The following EFCAB6 variants were observed in gnomAD, a reference collection of about 807,000 sequenced individuals.
EFCAB6 encodes the protein EF-hand calcium-binding domain-containing protein 6.
A neutral mutation model predicts 169.8 loss-of-function variants in EFCAB6; 156 were observed. The ratio of observed to expected loss-of-function variants is 0.92; its 90% CI spans 0.81 to 1.05. The LOEUF (loss-of-function observed/expected upper bound fraction) is 1.05. EFCAB6 is among the 50% of genes least tolerant of loss of function. EFCAB6 has a pLI of 0.00. For missense variants in EFCAB6, 1,800 were observed against 1,829.1 expected (o/e 0.98, Z 0.29); for synonymous variants, 698 against 676.4 (o/e 1.03, Z -0.50).
At chr22:43,798,026 T>G (rs1288695310) in intron 2 of EFCAB6, among the ~76,000 whole-genome samples, 1 of 152,174 alleles carries the variant, frequency 6.6e-6, no homozygotes, top group Non-Finnish European at 1.5e-5. Context: ...GACAGCCTGT[T>G]AGAAACAGAT....
intron 17 of EFCAB6, among the ~76,000 whole-genome samples, chr22:43,665,284 C>A (rs1282541590): frequency 6.6e-6 from 1 of 152,114 alleles, no homozygotes; most frequent in Admixed American, 6.5e-5. Flanking sequence ...CCAGAAGAAC[C>A]TGCAACTGAG....
chr22:43,746,346 G>A (rs184553450), intron 6 of EFCAB6, among the ~76,000 whole-genome samples: 46 of 152,162 alleles, frequency 3.0e-4, no homozygotes, highest in Non-Finnish European at 5.7e-4. Flanking sequence ...AGCTGACCCC[G>A]AAAAAATGAG....
intron 22 of EFCAB6, among the ~76,000 whole-genome samples, chr22:43,607,972 G>A (rs1473199510): frequency 2.0e-5 from 3 of 152,116 alleles, no homozygotes; most frequent in African/African-American, 4.8e-5. Flanking sequence ...TAAAATTTTC[G>A]GTTTAAGAGA....
intron 10 of EFCAB6, 84 bp downstream of exon 10, chr22:43,711,391 T>C: frequency 7.4e-7 from 1 of 1,352,724 alleles, no homozygotes; most frequent in Non-Finnish European, 9.8e-7. Flanking sequence ...TCTAAAACAT[T>C]AATAAAAAAT....
chr22:43,587,582 C>T (rs2051160823), intron 24 of EFCAB6, among the ~76,000 whole-genome samples: 1 of 152,164 alleles, frequency 6.6e-6, no homozygotes, highest in Admixed American at 6.5e-5. Flanking sequence ...ACATGGCCTT[C>T]TCTTTGTCTG....
At chr22:43,536,149 T>C (rs2047372201) in intron 29 of EFCAB6, 1 of 151,794 alleles carries the variant, frequency 6.6e-6, no homozygotes, top group Non-Finnish European at 1.5e-5. Flanking sequence ...ATAAGGACAG[T>C]AACACAGTGA....
At position 43,795,509 on chromosome 22, in the gene EFCAB6, C is replaced by A. The variant is rs2062472325; in HGVS notation, c.-7-13184G>T. Among the ~76,000 whole-genome samples, 1 of 152,106 alleles carries A rather than the reference C, an allele frequency of 6.6e-6. No homozygotes were observed. Among genetic ancestry groups the A allele is most frequent in the Non-Finnish European group, 1.5e-5 (1 of 67,994 alleles). ...CATGGGTCCCTCGGCCCTGCTCCACCCCAGCCGATTCCTCTGCCTTGAGAC... is the reference window on the plus strand; with the variant it reads ...CATGGGTCCCTCGGCCCTGCTCCACACCAGCCGATTCCTCTGCCTTGAGAC... On this transcript the variant is annotated intron_variant, in intron 2 of 31. Coordinates refer to ENST00000262726, the MANE Select transcript of EFCAB6 (RefSeq NM_022785.4). The surrounding 1 kb of genome is among the most constrained non-coding windows in gnomAD (Gnocchi z 4.2).
chr22:43,553,875 A>T (rs190569517), intron 27 of EFCAB6: 1 of 152,780 alleles, frequency 6.5e-6, no homozygotes, highest in Non-Finnish European at 1.5e-5. Flanking sequence ...GGATTCTGTG[A>T]TAGGGAGGAG....
chr22:43,629,392 G>A lies in EFCAB6; in HGVS notation c.2232+2713C>T, dbSNP rs1054003840. 2.6e-5 allele frequency among the ~76,000 whole-genome samples: 4 copies of A among 152,168 alleles called. No individual in the cohort carries two copies. The South Asian group carries it at 6.2e-4, about 24-fold the overall frequency. ...CCCTCAGGGTATCCAGCATAACACG[G>A]GAACATTAAACCTACTTGACAGGGT... On this transcript the variant is annotated intron_variant, in intron 19 of 31. Coordinates refer to ENST00000262726, the MANE Select transcript of EFCAB6 (RefSeq NM_022785.4).
chr22:43,638,069 C>T (rs1289898133), intron 17 of EFCAB6, among the ~76,000 whole-genome samples: 1 of 152,154 alleles, frequency 6.6e-6, no homozygotes, highest in Non-Finnish European at 1.5e-5. Flanking sequence ...TCCCCAGGGG[C>T]ACGGAGCACC....
chr22:43,658,461 C>A (rs944371365), intron 17 of EFCAB6, among the ~76,000 whole-genome samples: 4 of 152,122 alleles, frequency 2.6e-5, no homozygotes, highest in African/African-American at 9.7e-5. Flanking sequence ...ATTGGAGACC[C>A]GGGTGGGCCC....
Position 43,586,599 on chromosome 22 carries a change from G to A in EFCAB6, c.3032+3475C>T, listed in dbSNP as rs187251158. Among the ~76,000 whole-genome samples the A allele has an allele frequency of 3.5e-4, 53 of 152,006 alleles. No homozygotes were observed. In the East Asian group the frequency reaches 9.1e-3, roughly 26 times the overall value. ...AGGCAATTAGCTCAAGTTGTTTCAGGGTAAAAGTGTATGAGAATAAGACTT... is the reference window on the plus strand; with the variant it reads ...AGGCAATTAGCTCAAGTTGTTTCAGAGTAAAAGTGTATGAGAATAAGACTT... On this transcript the variant is annotated intron_variant, in intron 24 of 31. Coordinates refer to ENST00000262726, the MANE Select transcript of EFCAB6 (RefSeq NM_022785.4).
intron 10 of EFCAB6, among the ~76,000 whole-genome samples, chr22:43,690,295 C>A (rs1417711254): frequency 7.1e-6 from 1 of 141,706 alleles, no homozygotes. Flanking sequence ...GTCAGGAGAT[C>A]GAGACCATCC....
At chr22:43,721,508 T>C (rs529151947) in intron 8 of EFCAB6, among the ~76,000 whole-genome samples, 34 of 152,192 alleles carry the variant, frequency 2.2e-4, no homozygotes, top group African/African-American at 6.0e-4. Flanking sequence ...TATAAGACTA[T>C]AGAAAGCAAA....
At chr22:43,621,921 T>G (rs1210124004) in intron 20 of EFCAB6, among the ~76,000 whole-genome samples, 1 of 152,232 alleles carries the variant, frequency 6.6e-6, no homozygotes, top group Non-Finnish European at 1.5e-5. Flanking sequence ...ATTAATTCCA[T>G]GAATTTGACA....
chr22:43,643,629 C>T (rs1312340370), intron 17 of EFCAB6, among the ~76,000 whole-genome samples: 1 of 152,198 alleles, frequency 6.6e-6, no homozygotes, highest in Non-Finnish European at 1.5e-5. Flanking sequence ...AGGCTCCTCA[C>T]CCTGGGAGAC....
intron 21 of EFCAB6, among the ~76,000 whole-genome samples, chr22:43,613,189 A>C (rs995459277): frequency 1.8e-4 from 27 of 148,168 alleles, no homozygotes; most frequent in African/African-American, 6.4e-4. Context: ...TATAACATAT[A>C]TATTAATATA....
intron 30 of EFCAB6, among the ~76,000 whole-genome samples, chr22:43,532,745 C>A (rs1197075523): frequency 2.0e-5 from 3 of 152,226 alleles, no homozygotes; most frequent in Non-Finnish European, 4.4e-5. Flanking sequence ...GCTGGCTTAA[C>A]CCACTCTCCA....
intron 26 of EFCAB6, among the ~76,000 whole-genome samples, chr22:43,567,209 C>T (rs1175817719): frequency 6.6e-6 from 1 of 152,080 alleles, no homozygotes; most frequent in Non-Finnish European, 1.5e-5. Flanking sequence ...GCTTGACGTT[C>T]ACAAAGGATC....
Sources: allele counts gnomAD v4.1 joint callset (sites outside exome capture counted in the v4.1 genomes callset), GRCh38; gene constraint gnomAD v4.1.1; non-coding constraint Gnocchi (gnomAD v3.1); transcripts MANE v1.5; gene names NCBI Gene and HGNC (gene_info 2026-07-23, HGNC 2026-07-21).